CALCOCO1: variants seen among roughly 807,000 people sequenced by gnomAD.
CALCOCO1 encodes calcium-binding and coiled-coil domain-containing protein 1.
Under a neutral mutation model 86.3 loss-of-function variants are expected in CALCOCO1, and 44 were observed. The observed-to-expected ratio is 0.51, with a 90% CI of 0.40 to 0.66. The LOEUF is 0.66. CALCOCO1 is among the 30% of genes least tolerant of loss of function. The probability of loss-of-function intolerance (pLI) is 0.00; values close to 1 mark genes in which losing one functional copy is unlikely to be tolerated. For synonymous variants in CALCOCO1, 297 were observed against 327.6 expected (o/e 0.91, Z 1.01); for missense variants, 708 against 851.1 (o/e 0.83, Z 2.09).
At chr12:53,719,866 C>G in intron 6 of CALCOCO1, 37 bp from the exon 7 acceptor site, 1 of 1,434,220 alleles carries the variant, frequency 7.0e-7, no homozygotes, top group South Asian at 1.1e-5. Flanking sequence ...ACAATCTGCT[C>G]CACCCAGAGA....
At chr12:53,713,228 T>C (rs527600319) in intron 13 of CALCOCO1, 22 bp from the exon 14 acceptor site, 23 of 1,603,732 alleles carry the variant, frequency 1.4e-5, no homozygotes, top group Admixed American at 1.7e-5. Context: ...AGAGACAGGG[T>C]TGGGCTTTGG....
intron 6 of CALCOCO1, among the ~76,000 whole-genome samples, chr12:53,720,289 C>A (rs1210106502): frequency 6.6e-6 from 1 of 152,102 alleles, no homozygotes; most frequent in African/African-American, 2.4e-5. Context: ...GCAGGACCAT[C>A]CATTGACAGT....
At chr12:53,726,134 G>A (rs1946024869) in intron 1 of CALCOCO1, 1 of 152,220 alleles carries the variant, frequency 6.6e-6, no homozygotes, top group Non-Finnish European at 1.5e-5. Flanking sequence ...GAAGTAAGGG[G>A]CCCCAAGAAG....
intron 4 of CALCOCO1, 131 bp from the exon 5 acceptor site, chr12:53,722,314 G>A: frequency 1.0e-6 from 1 of 991,262 alleles, no homozygotes; most frequent in South Asian, 1.5e-5. Context: ...AGGTGAGGAA[G>A]GGGATGCTCA....
In CALCOCO1 at chr12:53,711,886, ATGTG is replaced by A; in HGVS notation, c.*54_*57del. ...ATGGGCATGAAACCTAAGTGTATGC[ATGTG>A]TGTGAGTGTGTGTGTGCATGAGTGT... On this transcript the variant is annotated 3_prime_UTR_variant, in exon 15 of 15. Transcript: ENST00000550804. 2.1e-6 allele frequency: 3 copies of A among 1,407,878 alleles called. No homozygotes were observed. The highest frequency in any genetic ancestry group is 2.8e-6 in the Non-Finnish European group (3 of 1,056,084). 87.2% of individuals were successfully genotyped at this position (1,407,878 alleles called of 1,614,324 possible).
chr12:53,726,886 T>C (rs1481968011), intron 1 of CALCOCO1, among the ~76,000 whole-genome samples: 5 of 152,150 alleles, frequency 3.3e-5, no homozygotes, highest in Non-Finnish European at 7.4e-5. Flanking sequence ...GTTCTTCATG[T>C]CCGAAAGAAA....
intron 6 of CALCOCO1, 150 bp from the exon 7 acceptor site, chr12:53,719,979 G>A (rs1945825458): frequency 2.0e-6 from 1 of 511,582 alleles, no homozygotes; most frequent in Non-Finnish European, 3.5e-6. Flanking sequence ...AGCTGATCCA[G>A]TTCTAAGCCC....
intron 1 of CALCOCO1, among the ~76,000 whole-genome samples, chr12:53,725,915 T>C (rs758110201): frequency 6.6e-6 from 1 of 152,084 alleles, no homozygotes; most frequent in African/African-American, 2.4e-5. Context: ...TCTGCTGGCA[T>C]CCAAGAGACA....
chr12:53,716,156 T>C (rs780959496), intron 8 of CALCOCO1, 104 bp downstream of exon 8: 17 of 1,580,164 alleles, frequency 1.1e-5, no homozygotes, highest in Non-Finnish European at 1.5e-5. Flanking sequence ...GGTTGTGTTG[T>C]TTAGTCTTTA....
intron 1 of CALCOCO1, among the ~76,000 whole-genome samples, chr12:53,726,884 T>C (rs956819924): frequency 1.3e-5 from 2 of 152,172 alleles, no homozygotes; most frequent in Non-Finnish European, 2.9e-5. Context: ...ACGTTCTTCA[T>C]GTCCGAAAGA....
chr12:53,721,627 T>A lies in CALCOCO1; in HGVS notation c.610-12A>T, dbSNP rs769171985. 1 of 1,613,880 alleles carries A rather than the reference T, an allele frequency of 6.2e-7. No homozygotes were observed. Among genetic ancestry groups the A allele is most frequent in the Admixed American group, 1.7e-5 (1 of 59,960 alleles). ...GACCGGGAAATCCCCTGAAATTAAG[T>A]TTCCCCCAGAAGAAAAGGGAGGTTG... On this transcript the variant is annotated splice_polypyrimidine_tract_variant and intron_variant, in intron 5 of 14. Transcript: ENST00000550804.
In CALCOCO1 at chr12:53,714,182, C is replaced by T; in HGVS notation, c.1542G>A (p.Lys514=). The T allele has an allele frequency of 6.2e-7, 1 of 1,613,830 alleles. No homozygotes were observed. Among genetic ancestry groups the T allele is most frequent in the Non-Finnish European group, 8.5e-7 (1 of 1,179,996 alleles). ...EARLEKVADE[K]WNEDATTEDE... is the part of the protein sequence containing the mutation. ...CCTCTGTGGTGGCATCCTCATTCCACTTCTCATCTGCCACCTTCTCCAGGC... is the reference window on the plus strand; with the variant it reads ...CCTCTGTGGTGGCATCCTCATTCCATTTCTCATCTGCCACCTTCTCCAGGC... Residue 514 remains lysine (K), a synonymous_variant, in exon 12 of 15, where the codon AAG becomes AAA. Coordinates refer to ENST00000550804, the MANE Select transcript of CALCOCO1 (RefSeq NM_020898.3).
In CALCOCO1 at chr12:53,712,061, C is replaced by T; in HGVS notation, c.1959G>A (p.Trp653Ter). 1.2e-6 allele frequency: 2 copies of T among 1,612,330 alleles called. No homozygotes were observed. Among genetic ancestry groups the T allele is most frequent in the Non-Finnish European group, 1.7e-6 (2 of 1,179,208 alleles). Residue 653 changes from tryptophan to a stop codon, truncating the protein, a stop_gained, in exon 15 of 15, where the codon TGG becomes TGA. Coordinates refer to ENST00000550804, the MANE Select transcript of CALCOCO1 (RefSeq NM_020898.3). LOFTEE classifies it high-confidence loss of function. ...TSTGGPATPT[W>*]KECPICKERF... ...GCTCCTTACAGATAGGACACTCCTT[C>T]CATGTGGGGGTGGCAGGGCCCCCAG...
chr12:53,715,355 G>A, intron 9 of CALCOCO1, 30 bp from the exon 10 acceptor site: 1 of 1,613,688 alleles, frequency 6.2e-7, no homozygotes, highest in Non-Finnish European at 8.5e-7. Flanking sequence ...GAAAATGGGA[G>A]GGTGGAGGGG....
rs1241521806 is a variant in CALCOCO1, at chr12:53,725,196, T to A, written c.47A>T (p.Asn16Ile). ...LSRAPSRGGV[N>I]FLNVARTYIP... is the part of the protein sequence containing the mutation. Reference sequence around the variant, plus strand: ...GTAGGTCCGGGCTACATTGAGAAAGTTGACTCCACCACGGGATGGTGCCCG... The same window carrying A: ...GTAGGTCCGGGCTACATTGAGAAAGATGACTCCACCACGGGATGGTGCCCG... Residue 16 changes from asparagine to isoleucine, a missense_variant, in exon 2 of 15, where the codon AAC becomes ATC. Coordinates refer to ENST00000550804, the MANE Select transcript of CALCOCO1 (RefSeq NM_020898.3). 1.9e-6 allele frequency: 3 copies of A among 1,612,308 alleles called. No individual in the cohort carries two copies. Among genetic ancestry groups the A allele is most frequent in the East Asian group, 4.5e-5 (2 of 44,770 alleles).
rs765958765 is a variant in CALCOCO1, at chr12:53,713,194, C to T, written c.1804G>A (p.Glu602Lys). 8.1e-6 allele frequency: 13 copies of T among 1,614,050 alleles called. No individual in the cohort carries two copies. The highest frequency in any genetic ancestry group is 1.1e-5 in the Non-Finnish European group (13 of 1,179,954). Residue 602 changes from glutamate (E) to lysine (K), a missense_variant, in exon 14 of 15, where the codon GAG (glutamate) becomes AAG (lysine). Glu to Lys is a moderately conservative substitution (Grantham distance 56). Transcript: ENST00000550804. ...DSSSDSEAEDEKSVLMAAVQS... is the reference protein window; with the variant it reads ...DSSSDSEAEDKKSVLMAAVQS... ...ACAGCTGCCATCAGGACTGACTTCT[C>T]ATCTTCAGCCTCCTGGATGCCAAAG...
Position 53,712,010 on chromosome 12 carries a change from A to G in CALCOCO1, c.2010T>C (p.Asp670=). The stretch of plus-strand genomic sequence containing the variant: ...GTCCATCCATGTGGTCCTCCAGGGC[A>G]TCCTTGTCACTCTCAGCAGGAAAGC... ...KERFPAESDK[D]ALEDHMDGHF... The change falls in exon 15 of 15, where the codon GAT becomes GAC. Residue 670 remains aspartate (D), a synonymous_variant. Coordinates refer to ENST00000550804, the MANE Select transcript of CALCOCO1 (RefSeq NM_020898.3). The G allele has an allele frequency of 6.2e-7, 1 of 1,610,262 alleles. No homozygotes were observed. Among genetic ancestry groups the G allele is most frequent in the African/African-American group, 1.3e-5 (1 of 74,868 alleles).
At position 53,725,334 on chromosome 12, in the gene CALCOCO1, C is replaced by A. The variant is rs1945999025; in HGVS notation, c.-24-68G>T. ...CCTCCTTCCCCCCACAGCTCCAGCA[C>A]CACACACTCACAGCCCCTGCCACTA... On this transcript the variant is annotated intron_variant, in intron 1 of 14. Coordinates refer to ENST00000550804, the MANE Select transcript of CALCOCO1 (RefSeq NM_020898.3). The A allele has an allele frequency of 1.1e-5, 12 of 1,075,064 alleles. 1 individual carries two copies. In the South Asian group the frequency reaches 2.0e-4, roughly 18 times the overall value. The allele number at this position is 1,075,064 out of a possible 1,614,324, so 66.6% of individuals were successfully genotyped here.
rs78005218 is a variant in CALCOCO1, at chr12:53,709,341, C to G, written c.*2603G>C. 18,390 of 152,274 alleles carry G rather than the reference C, an allele frequency of 0.12. 1,188 individuals carry two copies. Among genetic ancestry groups the G allele is most frequent in the Non-Finnish European group, 0.15 (9,907 of 68,012 alleles). The allele number at this position is 152,274 out of a possible 1,614,324, so 9.4% of individuals were successfully genotyped here. A position where few individuals can be genotyped will look rare whatever the true frequency, so the allele number is the denominator to read the frequency against. On this transcript the variant is annotated 3_prime_UTR_variant, in exon 15 of 15. Transcript: ENST00000550804. ...CGTCAATTACCCTTCCTTGAGCCCC[C>G]TCTGTGTCGGGGACCATGCTTTGGA...
Sources: gnomAD v4.1 joint callset for allele counts (sites outside exome capture counted in the v4.1 genomes callset) on GRCh38, gnomAD v4.1.1 for gene constraint, MANE v1.5 for transcripts, NCBI Gene and HGNC (gene_info 2026-07-23, HGNC 2026-07-21) for gene names.